MDGA2: variants seen among roughly 807,000 people sequenced by gnomAD.
The protein encoded by MDGA2 is MAM domain-containing glycosylphosphatidylinositol anchor protein 2.
A neutral mutation model predicts 117.8 loss-of-function variants in MDGA2; 40 were observed. The ratio of observed to expected loss-of-function variants is 0.34; its 90% CI spans 0.26 to 0.44. The LOEUF (loss-of-function observed/expected upper bound fraction) is 0.44, where lower values mean the gene tolerates loss of function less well. MDGA2 is among the 20% of genes least tolerant of loss of function. The pLI is 1.00. For missense variants in MDGA2, 1,123 were observed against 1,250.6 expected (o/e 0.90, Z 1.54); for synonymous variants, 452 against 439.0 (o/e 1.03, Z -0.37).
chr14:47,161,180 T>C (rs1883618333), intron 3 of MDGA2, among the ~76,000 whole-genome samples: 1 of 152,178 alleles, frequency 6.6e-6, no homozygotes, highest in Admixed American at 6.5e-5. Context: ...ACTAATTTAC[T>C]TAATTTAATT....
At chr14:47,364,866 C>T (rs1891198469) in intron 1 of MDGA2, among the ~76,000 whole-genome samples, 1 of 152,140 alleles carries the variant, frequency 6.6e-6, no homozygotes, top group Non-Finnish European at 1.5e-5. Context: ...CCATAAACAA[C>T]ATGAGGAGAG....
In MDGA2 at chr14:47,214,937, T is replaced by C. The variant is rs1225413081; in HGVS notation, c.595+3084A>G. Reference sequence around the variant, plus strand: ...TTTAGAGACAATCTTTTACAAGGGATTCAAGAATAAATTCTAACATCATTA... The same window carrying C: ...TTTAGAGACAATCTTTTACAAGGGACTCAAGAATAAATTCTAACATCATTA... On this transcript the variant is annotated intron_variant, in intron 3 of 16. Coordinates refer to ENST00000399232, the MANE Select transcript of MDGA2 (RefSeq NM_001113498.3). 2.6e-5 allele frequency among the ~76,000 whole-genome samples: 4 copies of C among 152,122 alleles called. No individual in the cohort carries two copies. In the East Asian group the frequency reaches 7.7e-4, roughly 29 times the overall value.
intron 6 of MDGA2, among the ~76,000 whole-genome samples, chr14:47,079,932 C>T (rs1474887943): frequency 7.9e-5 from 12 of 151,778 alleles, no homozygotes; most frequent in Admixed American, 7.2e-4. Context: ...GGGGTTTCAC[C>T]GTGTTAGTCA....
chr14:47,630,511 T>G (rs1897236077), intron 1 of MDGA2, among the ~76,000 whole-genome samples: 1 of 152,216 alleles, frequency 6.6e-6, no homozygotes, highest in Admixed American at 6.5e-5. Flanking sequence ...GTTTCTTCAG[T>G]AAAAATCTTA....
chr14:46,990,905 G>A lies in MDGA2; in HGVS notation c.1820-33262C>T, dbSNP rs78188495. Among the ~76,000 whole-genome samples the A allele has an allele frequency of 5.2e-3, 675 of 129,406 alleles. 7 individuals are homozygous for A. Among genetic ancestry groups the A allele is most frequent in the African/African-American group, 0.017 (620 of 35,892 alleles). The allele number at this position is 129,406 out of a possible 152,430, so 84.9% of individuals were successfully genotyped here. ...ACACACACACACACACACACACCCCGCGTAAGACACAGCTAGAAAATACAG... is the reference window on the plus strand; with the variant it reads ...ACACACACACACACACACACACCCCACGTAAGACACAGCTAGAAAATACAG... On this transcript the variant is annotated intron_variant, in intron 8 of 16. Coordinates refer to ENST00000399232, the MANE Select transcript of MDGA2 (RefSeq NM_001113498.3).
chr14:47,214,331 G>A (rs1886007695), intron 3 of MDGA2, among the ~76,000 whole-genome samples: 1 of 151,978 alleles, frequency 6.6e-6, no homozygotes, highest in South Asian at 2.1e-4. Flanking sequence ...TCACTGTGTG[G>A]TTATAAAATC....
chr14:46,865,671 C>G (rs1881726131), intron 14 of MDGA2, among the ~76,000 whole-genome samples: 1 of 152,028 alleles, frequency 6.6e-6, no homozygotes, highest in Admixed American at 6.6e-5. Context: ...TCTCCTGAAG[C>G]TGATAAGCAA....
chr14:47,157,595 ATG>A (rs55697311), intron 3 of MDGA2, among the ~76,000 whole-genome samples: 9,980 of 144,256 alleles, frequency 0.069, 350 homozygotes, highest in Non-Finnish European at 0.089. Flanking sequence ...ATGTACATAT[ATG>A]TGTGTGTGTG....
intron 5 of MDGA2, among the ~76,000 whole-genome samples, chr14:47,105,028 C>A (rs12893016): frequency 0.21 from 31,956 of 152,022 alleles, 3,655 homozygotes; most frequent in East Asian, 0.48. Context: ...GGAAGGCAGC[C>A]TTCCCTTGGT....
chr14:47,255,008 C>G (rs1216158665), intron 2 of MDGA2, among the ~76,000 whole-genome samples: 2 of 152,148 alleles, frequency 1.3e-5, no homozygotes, highest in Admixed American at 1.3e-4. Flanking sequence ...AGCGAAACCT[C>G]CCCCATGATT....
intron 7 of MDGA2, among the ~76,000 whole-genome samples, chr14:47,048,739 T>C (rs1320702300): frequency 6.6e-6 from 1 of 152,096 alleles, no homozygotes; most frequent in Non-Finnish European, 1.5e-5. Flanking sequence ...GGTCACATGT[T>C]CTTTAGAGCA....
intron 2 of MDGA2, among the ~76,000 whole-genome samples, chr14:47,268,407 T>C (rs1459105320): frequency 3.9e-5 from 6 of 152,128 alleles, no homozygotes; most frequent in African/African-American, 1.4e-4. Context: ...GCAAATTCAT[T>C]ATAAAAATAA....
chr14:47,579,941 A>G (rs1383538920), intron 1 of MDGA2, among the ~76,000 whole-genome samples: 3 of 152,116 alleles, frequency 2.0e-5, no homozygotes, highest in Non-Finnish European at 4.4e-5. Flanking sequence ...CTATGTGAAT[A>G]TATGTATTTA....
intron 1 of MDGA2, among the ~76,000 whole-genome samples, chr14:47,489,779 G>A (rs913542390): frequency 9.2e-5 from 14 of 151,942 alleles, no homozygotes; most frequent in African/African-American, 3.4e-4. Flanking sequence ...GGTAGCACTT[G>A]GTTCTCTTCA....
At chr14:47,416,638 C>T (rs560107911) in intron 1 of MDGA2, among the ~76,000 whole-genome samples, 51 of 152,258 alleles carry the variant, frequency 3.3e-4, no homozygotes, top group African/African-American at 1.2e-3. Flanking sequence ...GAGTGAGGCT[C>T]CAAGTGACTC....
At chr14:47,377,313 G>C (rs1043289146) in intron 1 of MDGA2, among the ~76,000 whole-genome samples, 2 of 152,122 alleles carry the variant, frequency 1.3e-5, no homozygotes, top group African/African-American at 4.8e-5. Context: ...GCAGAAGACG[G>C]GTGATTTCTG....
chr14:47,490,272 A>T (rs755235984), intron 1 of MDGA2, among the ~76,000 whole-genome samples: 1 of 152,106 alleles, frequency 6.6e-6, no homozygotes, highest in Admixed American at 6.6e-5. Context: ...CTTGCAGAAA[A>T]GTTGAACTCT....
chr14:47,539,149 A>T (rs1895286120), intron 1 of MDGA2, among the ~76,000 whole-genome samples: 1 of 152,206 alleles, frequency 6.6e-6, no homozygotes, highest in Admixed American at 6.5e-5. Context: ...GCTCACCAGC[A>T]GAGCAGCAGG....
rs578250640 is a variant in MDGA2 at position 47,476,123 on chromosome 14, T to A, written c.281-174573A>T. Among the ~76,000 whole-genome samples, 205 of 152,316 alleles carry A rather than the reference T, an allele frequency of 1.3e-3. 1 individual carries two copies. The highest frequency in any genetic ancestry group is 2.5e-3 in the Non-Finnish European group (172 of 68,030). On this transcript the variant is annotated intron_variant, in intron 1 of 16. Coordinates refer to ENST00000399232, the MANE Select transcript of MDGA2 (RefSeq NM_001113498.3). ...ATATAAAAATGTTCAAGCTGAGTATTAGGCAAAGATCCATGAATATAAACA... is the reference window on the plus strand; with the variant it reads ...ATATAAAAATGTTCAAGCTGAGTATAAGGCAAAGATCCATGAATATAAACA...
Sources: allele counts gnomAD v4.1 joint callset (sites outside exome capture counted in the v4.1 genomes callset), GRCh38; gene constraint gnomAD v4.1.1; transcripts MANE v1.5; gene names NCBI Gene and HGNC (gene_info 2026-07-23, HGNC 2026-07-21).